Variants in TMC5 observed in about 807,000 individuals in gnomAD.
The protein encoded by TMC5 is transmembrane channel like 5, also known as transmembrane channel-like protein 5.
TMC5 carries 86 observed loss-of-function variants against 110.5 expected under a neutral mutation model. The ratio of observed to expected loss-of-function variants is 0.78; its 90% confidence interval spans 0.65 to 0.93. TMC5 has a LOEUF of 0.93. Among genes scored for constraint, TMC5 ranks in the 40% least tolerant of loss-of-function variants. TMC5 has a pLI of 0.00. For missense variants in TMC5, 1,144 were observed against 1,222.8 expected, an observed-to-expected ratio of 0.94 and a Z score of 0.96; for synonymous variants, 455 against 439.5, an observed-to-expected ratio of 1.04 and a Z score of -0.44.
rs986591073 is a variant in TMC5, at chr16:19,489,795, C to CT, written c.2574-589dup. ...ACCATACTTGTCTTTAATTTCATTT[C>CT]TTTTTTTTTTTCAGACAGGGTCTTG... On this transcript the variant is annotated intron_variant, in intron 17 of 21. Coordinates refer to ENST00000542583, the MANE Select transcript of TMC5 (RefSeq NM_001261841.2). 6.9e-3 allele frequency among the ~76,000 whole-genome samples: 1,004 copies of CT among 144,544 alleles called. 5 individuals carry two copies. The highest frequency in any genetic ancestry group is 0.015 in the Middle Eastern group (4 of 274). The allele number at this position is 144,544 out of a possible 152,430, so 94.8% of individuals were successfully genotyped here. A position where few individuals can be genotyped will look rare whatever the true frequency, so the allele number is the denominator to read the frequency against.
chr16:19,450,510 G>A (rs1446011384), intron 5 of TMC5, among the ~76,000 whole-genome samples: 1 of 152,110 alleles, frequency 6.6e-6, no homozygotes, highest in Non-Finnish European at 1.5e-5. Flanking sequence ...GTATGTATAG[G>A]TATGTCCTGG....
chr16:19,441,897 G>C (rs886887362), intron 3 of TMC5, among the ~76,000 whole-genome samples: 1 of 151,988 alleles, frequency 6.6e-6, no homozygotes, highest in Non-Finnish European at 1.5e-5. Context: ...TCTGCCTCCC[G>C]GGTTCAAGCG....
rs371374512 is a variant in TMC5, at chr16:19,474,242, A to G, written c.2056A>G (p.Met686Val). ...GTTCAGGCTTGTGGAGAGGTACGAGATGCCACGGCACGAAGTCTACGTTCT... is the reference window on the plus strand; with the variant it reads ...GTTCAGGCTTGTGGAGAGGTACGAGGTGCCACGGCACGAAGTCTACGTTCT... The part of the protein sequence containing the change: ...SMFRLVERYE[M>V]PRHEVYVLLI... Residue 686 changes from methionine to valine, a missense_variant, in exon 12 of 22, where the codon ATG becomes GTG. Physicochemically the swap from Met to Val is conservative, Grantham distance 21. Transcript: ENST00000542583. The G allele has an allele frequency of 2.9e-4, 472 of 1,613,922 alleles. No individual in the cohort carries two copies. The highest frequency in any genetic ancestry group is 3.9e-4 in the Non-Finnish European group (464 of 1,179,998).
intron 1 of TMC5, among the ~76,000 whole-genome samples, chr16:19,412,635 T>C (rs1406519097): frequency 2.0e-5 from 3 of 152,194 alleles, no homozygotes; most frequent in African/African-American, 7.2e-5. Context: ...CCCAAAGTGC[T>C]GGGATTACAG....
At chr16:19,485,006 G>A (rs1235887337) in intron 15 of TMC5, among the ~76,000 whole-genome samples, 2 of 151,352 alleles carry the variant, frequency 1.3e-5, no homozygotes, top group East Asian at 3.9e-4. Context: ...ATGAAGTGAG[G>A]AACATGTTTC....
intron 9 of TMC5, among the ~76,000 whole-genome samples, chr16:19,468,095 C>T (rs970205378): frequency 2.6e-5 from 4 of 152,064 alleles, no homozygotes; most frequent in Admixed American, 6.6e-5. Context: ...CTGTCTCAGC[C>T]TCCTGAGTAG....
Position 19,449,766 on chromosome 16 carries a change from T to G in TMC5, c.1048+135T>G, listed in dbSNP as rs74792823. On this transcript the variant is annotated intron_variant, in intron 5 of 21. Coordinates refer to ENST00000542583, the MANE Select transcript of TMC5 (RefSeq NM_001261841.2). Reference sequence around the variant, plus strand: ...TTTCCCCCATGCTGTTCTCATGATATTGAGGGAGTTCCCTTGAAATCTGAT... The same window carrying G: ...TTTCCCCCATGCTGTTCTCATGATAGTGAGGGAGTTCCCTTGAAATCTGAT... 27,046 of 717,604 alleles carry G rather than the reference T, an allele frequency of 0.038. 1,350 individuals are homozygous for G. The highest frequency in any genetic ancestry group is 0.19 in the African/African-American group (10,837 of 57,664). 44.5% of individuals were successfully genotyped at this position (717,604 alleles called of 1,614,324 possible).
Position 19,462,650 on chromosome 16 carries a change from A to G in TMC5, c.1149-630A>G, listed in dbSNP as rs1186766327. The G allele has an allele frequency of 3.0e-5, 19 of 625,976 alleles. No individual in the cohort carries two copies. The East Asian group carries it at 5.3e-4, about 17-fold the overall frequency. The allele number at this position is 625,976 out of a possible 1,614,324, so 38.8% of individuals were successfully genotyped here. ...TGTGGTGGCTCATGCCTGTAATCCC[A>G]GCACTTTGGGAGGCCAAGGCAGGTG... On this transcript the variant is annotated intron_variant, in intron 6 of 21. Coordinates refer to ENST00000542583, the MANE Select transcript of TMC5 (RefSeq NM_001261841.2).
chr16:19,442,033 T>A (rs1420681745), intron 3 of TMC5, among the ~76,000 whole-genome samples: 1 of 152,028 alleles, frequency 6.6e-6, no homozygotes, highest in Non-Finnish European at 1.5e-5. Flanking sequence ...AAACTCCCAA[T>A]CTGAGGTGAT....
chr16:19,412,611 A>G (rs1475776018), intron 1 of TMC5, among the ~76,000 whole-genome samples: 4 of 142,858 alleles, frequency 2.8e-5, no homozygotes, highest in Non-Finnish European at 4.6e-5. Flanking sequence ...CAGTTGATCC[A>G]CTCGCCTCAG....
At chr16:19,420,151 G>A (rs957703380) in intron 1 of TMC5, among the ~76,000 whole-genome samples, 5 of 152,096 alleles carry the variant, frequency 3.3e-5, no homozygotes, top group South Asian at 4.1e-4. Flanking sequence ...TTTAGGCCAG[G>A]TGTGGTGGGT....
At chr16:19,457,719 T>C (rs1967919740) in intron 5 of TMC5, among the ~76,000 whole-genome samples, 3 of 84,178 alleles carry the variant, frequency 3.6e-5, no homozygotes, top group East Asian at 2.6e-4. Flanking sequence ...CTTTTTTTTT[T>C]TTTTTTTTTT....
At position 19,498,628 on chromosome 16, in the gene TMC5, C is replaced by T. The variant is rs1969115240; in HGVS notation, c.*662C>T. 6.6e-6 allele frequency: 1 copy of T among 151,940 alleles called. No individual in the cohort carries two copies. Among genetic ancestry groups the T allele is most frequent in the African/African-American group, 2.4e-5 (1 of 41,340 alleles). The allele number at this position is 151,940 out of a possible 1,614,324, so 9.4% of individuals were successfully genotyped here. On this transcript the variant is annotated 3_prime_UTR_variant, in exon 22 of 22. Coordinates refer to ENST00000542583, the MANE Select transcript of TMC5 (RefSeq NM_001261841.2). ...TCAAGCTAGCTTTGCAGTGGCAGTA[C>T]CGTAGCCAATGAGATTTATCCGAGA...
chr16:19,415,146 A>T (rs1966870351), upstream of TMC5, among the ~76,000 whole-genome samples: 1 of 152,260 alleles, frequency 6.6e-6, no homozygotes, highest in African/African-American at 2.4e-5. Context: ...TGCAGACAAG[A>T]AACGTATAAT....
chr16:19,467,728 C>G (rs541288944), intron 9 of TMC5, among the ~76,000 whole-genome samples: 1 of 152,132 alleles, frequency 6.6e-6, no homozygotes, highest in African/African-American at 2.4e-5. Flanking sequence ...GTGATCCACC[C>G]GCCTCAGCCT....
At chr16:19,449,879 C>A (rs541527845) in intron 5 of TMC5, among the ~76,000 whole-genome samples, 2 of 152,274 alleles carry the variant, frequency 1.3e-5, no homozygotes, top group Admixed American at 6.5e-5. Context: ...CCTTCCACCA[C>A]GTTTGTAAGT....
chr16:19,493,463 C>CTCTCTCTCTCTT (rs748855852), intron 19 of TMC5, among the ~76,000 whole-genome samples: 3,830 of 57,956 alleles, frequency 0.066, 76 homozygotes, highest in Non-Finnish European at 0.1. Context: ...CTCTCTCTCT[C>CTCTCTCTCTCTT]TCTTTTTTTT....
chr16:19,425,583 C>A (rs915679177), intron 1 of TMC5, among the ~76,000 whole-genome samples: 1 of 152,128 alleles, frequency 6.6e-6, no homozygotes, highest in Non-Finnish European at 1.5e-5. Context: ...CTAGAGCTGG[C>A]GCACAGCTGT....
chr16:19,469,838 C>T lies in TMC5; in HGVS notation c.1782+13C>T. ...CACTGAGATAAGGGTAAGGCGAGCT[C>T]ACTTTACTCATTTGCCATCGGCTGG... On this transcript the variant is annotated intron_variant, in intron 10 of 21. Coordinates refer to ENST00000542583, the MANE Select transcript of TMC5 (RefSeq NM_001261841.2). 1 of 1,613,452 alleles carries T rather than the reference C, an allele frequency of 6.2e-7. No homozygotes were observed. Among genetic ancestry groups the T allele is most frequent in the Non-Finnish European group, 8.5e-7 (1 of 1,179,620 alleles).
Sources: gnomAD v4.1 joint callset for allele counts (sites outside exome capture counted in the v4.1 genomes callset) on GRCh38, gnomAD v4.1.1 for gene constraint, MANE v1.5 for transcripts, NCBI Gene and HGNC (gene_info 2026-07-23, HGNC 2026-07-21) for gene names.